Variants in ZMYM4 observed in about 807,000 individuals in gnomAD.
ZMYM4 encodes the protein zinc finger MYM-type protein 4.
A neutral mutation model predicts 183.2 loss-of-function variants in ZMYM4; 31 were observed. That is an observed-to-expected ratio of 0.17 (90% CI 0.13 to 0.23). The LOEUF is 0.23. Among genes scored for constraint, ZMYM4 ranks in the 10% least tolerant of loss-of-function variants. The pLI is 1.00. For missense variants in ZMYM4, 1,273 were observed against 1,840.3 expected, an observed-to-expected ratio of 0.69 and a Z score of 5.64; for synonymous variants, 592 against 631.2, an observed-to-expected ratio of 0.94 and a Z score of 0.93.
chr1:35,396,711 T>G, intron 19 of ZMYM4, 41 bp downstream of exon 19: 1 of 1,598,944 alleles, frequency 6.3e-7, no homozygotes, highest in African/African-American at 1.3e-5. Context: ...ATAGCATGCA[T>G]TTTCCTCAAT....
At position 35,352,543 on chromosome 1, in the gene ZMYM4, C is replaced by A. The variant is rs72897127; in HGVS notation, c.86-6382C>A. ...TTCTCAGGTTATCTCCTCTCAATCT[C>A]TATTGGGATCACTCCACTCTGACTT... On this transcript the variant is annotated intron_variant, in intron 2 of 29. Transcript: ENST00000314607. Among the ~76,000 whole-genome samples the A allele has an allele frequency of 1.7e-3, 261 of 152,270 alleles. 2 individuals carry two copies. The highest frequency in any genetic ancestry group is 6.0e-3 in the African/African-American group (250 of 41,550).
chr1:35,417,392 T>TG (rs1640162371), intron 28 of ZMYM4, among the ~76,000 whole-genome samples: 1 of 152,190 alleles, frequency 6.6e-6, no homozygotes, highest in Non-Finnish European at 1.5e-5. Context: ...AAAATACTGT[T>TG]GGGGAAAAAT....
At chr1:35,376,096 A>G (rs1423150899) in intron 7 of ZMYM4, among the ~76,000 whole-genome samples, 2 of 152,010 alleles carry the variant, frequency 1.3e-5, no homozygotes, top group African/African-American at 2.4e-5. Flanking sequence ...AAAAAATCTC[A>G]TATTTTGCAG....
intron 2 of ZMYM4, among the ~76,000 whole-genome samples, chr1:35,335,651 G>A (rs1164927605): frequency 6.6e-6 from 1 of 152,014 alleles, no homozygotes; most frequent in Non-Finnish European, 1.5e-5. Context: ...TTTAAATTGT[G>A]GAAAAAACAT....
At chr1:35,351,082 AAGTGGAGGTG>A in intron 2 of ZMYM4, 1 of 849,612 alleles carries the variant, frequency 1.2e-6, no homozygotes, top group African/African-American at 1.7e-5. Flanking sequence ...TGTGAATGCC[AAGTGGAGGTG>A]ACTGGTGGTA....
intron 2 of ZMYM4, among the ~76,000 whole-genome samples, chr1:35,356,882 GA>G (rs201714073): frequency 4.0e-5 from 6 of 148,538 alleles, no homozygotes; most frequent in African/African-American, 7.4e-5. Flanking sequence ...GCAAAGCTCA[GA>G]AAAAAAAAAG....
chr1:35,353,400 A>G lies in ZMYM4; in HGVS notation c.86-5525A>G, dbSNP rs907174464. On this transcript the variant is annotated intron_variant, in intron 2 of 29. Transcript: ENST00000314607. ...TGTTAATTTGTCTGTAGAGTCTTCT[A>G]ACGACTTCCTTTTACACTTACATAC... Among the ~76,000 whole-genome samples, 4 of 152,208 alleles carry G rather than the reference A, an allele frequency of 2.6e-5. No homozygotes were observed. In the East Asian group the frequency reaches 5.8e-4, roughly 22 times the overall value.
chr1:35,314,477 G>T (rs1641949393), intron 1 of ZMYM4, among the ~76,000 whole-genome samples: 1 of 150,982 alleles, frequency 6.6e-6, no homozygotes, highest in South Asian at 2.1e-4. Flanking sequence ...TAGAGACGGG[G>T]TTTCACCATG....
chr1:35,282,776 G>C (rs1640240067), intron 1 of ZMYM4, among the ~76,000 whole-genome samples: 1 of 152,000 alleles, frequency 6.6e-6, no homozygotes, highest in South Asian at 2.1e-4. Flanking sequence ...GGCTGGTCTT[G>C]AACTCCTGAG....
At chr1:35,346,729 C>G (rs928635467) in intron 2 of ZMYM4, among the ~76,000 whole-genome samples, 1 of 151,190 alleles carries the variant, frequency 6.6e-6, no homozygotes, top group African/African-American at 2.4e-5. Context: ...GCTTTCTAAG[C>G]CTATTTAACT....
intron 2 of ZMYM4, among the ~76,000 whole-genome samples, chr1:35,353,754 AC>A (rs1410198716): frequency 6.6e-6 from 1 of 152,240 alleles, no homozygotes; most frequent in African/African-American, 2.4e-5. Flanking sequence ...AAGTAATGTA[AC>A]TAGTACTTAC....
At chr1:35,338,521 A>ATCC (rs1480404690) in intron 2 of ZMYM4, among the ~76,000 whole-genome samples, 2 of 152,098 alleles carry the variant, frequency 1.3e-5, no homozygotes, top group Non-Finnish European at 2.9e-5. Context: ...GGGGTAGGGG[A>ATCC]ATGTCCTGGA....
At chr1:35,337,106 C>A (rs886276090) in intron 2 of ZMYM4, among the ~76,000 whole-genome samples, 5 of 152,150 alleles carry the variant, frequency 3.3e-5, no homozygotes, top group African/African-American at 1.2e-4. Context: ...CACCTGTAAT[C>A]CCAGCACTTC....
rs146311034 is a variant in ZMYM4 at position 35,345,231 on chromosome 1, C to CA, written c.86-13693dup. ...GAATTAAGTTTAAATAGTCAAGTGTCACGTGGCTACTGTATTGCATATCAC... is the reference window on the plus strand; with the variant it reads ...GAATTAAGTTTAAATAGTCAAGTGTCAACGTGGCTACTGTATTGCATATCAC... On this transcript the variant is annotated intron_variant, in intron 2 of 29. Coordinates refer to ENST00000314607, the MANE Select transcript of ZMYM4 (RefSeq NM_005095.3). 5.8e-3 allele frequency among the ~76,000 whole-genome samples: 878 copies of CA among 152,310 alleles called. 6 individuals carry two copies. Among genetic ancestry groups the CA allele is most frequent in the African/African-American group, 0.02 (838 of 41,574 alleles).
intron 1 of ZMYM4, among the ~76,000 whole-genome samples, chr1:35,321,211 T>C (rs1328432724): frequency 2.0e-5 from 3 of 152,184 alleles, no homozygotes; most frequent in Non-Finnish European, 2.9e-5. Flanking sequence ...ACAGTCACAT[T>C]GGTCGTAGTA....
intron 1 of ZMYM4, among the ~76,000 whole-genome samples, chr1:35,271,540 T>A (rs1639607230): frequency 6.6e-6 from 1 of 152,086 alleles, no homozygotes; most frequent in African/African-American, 2.4e-5. Flanking sequence ...GTAGCTGGGA[T>A]TACAGGCAAG....
At chr1:35,349,716 G>C (rs1439202361) in intron 2 of ZMYM4, among the ~76,000 whole-genome samples, 4 of 151,662 alleles carry the variant, frequency 2.6e-5, no homozygotes, top group Admixed American at 2.0e-4. Context: ...TGTAATCCCA[G>C]CTGCTTGGGA....
At chr1:35,352,860 C>CTAGTT (rs1229962934) in intron 2 of ZMYM4, among the ~76,000 whole-genome samples, 1 of 152,172 alleles carries the variant, frequency 6.6e-6, no homozygotes, top group Admixed American at 6.6e-5. Context: ...GTGATCTTAC[C>CTAGTT]TAGTTTCATG....
intron 2 of ZMYM4, among the ~76,000 whole-genome samples, chr1:35,347,967 T>TGA (rs1470974009): frequency 6.6e-6 from 1 of 152,232 alleles, no homozygotes; most frequent in Non-Finnish European, 1.5e-5. Context: ...AATAGACTTT[T>TGA]GACAGTTTTT....
Sources: gnomAD v4.1 joint callset for allele counts (sites outside exome capture counted in the v4.1 genomes callset) on GRCh38, gnomAD v4.1.1 for gene constraint, MANE v1.5 for transcripts, NCBI Gene and HGNC (gene_info 2026-07-23, HGNC 2026-07-21) for gene names.